Variants in COA1 observed in about 807,000 individuals in gnomAD.
COA1 encodes the protein cytochrome c oxidase assembly factor 1 homolog.
A neutral mutation model predicts 16.0 loss-of-function variants in COA1; 13 were observed. That is an observed-to-expected ratio of 0.81 (90% CI 0.53 to 1.29). The LOEUF is 1.29. Among genes scored for constraint, COA1 ranks in the 50% most tolerant of loss-of-function variants. COA1 has a pLI of 0.00. For missense variants in COA1, 179 were observed against 177.0 expected (o/e 1.01, Z -0.06); for synonymous variants, 65 against 65.7 (o/e 0.99, Z 0.05).
At chr7:43,702,702 G>A (rs968689172) in intron 1 of COA1, among the ~76,000 whole-genome samples, 1 of 152,008 alleles carries the variant, frequency 6.6e-6, no homozygotes, top group African/African-American at 2.4e-5. Context: ...TGGGGTTGGT[G>A]GTAACGTCAC....
intron 1 of COA1, among the ~76,000 whole-genome samples, chr7:43,678,178 C>A (rs2093619988): frequency 6.6e-6 from 1 of 152,122 alleles, no homozygotes; most frequent in Admixed American, 6.5e-5. Flanking sequence ...TTTAAAACAT[C>A]TTTTCAAAAG....
At chr7:43,625,221 C>T (rs1426032684) in intron 6 of COA1, 1 of 161,250 alleles carries the variant, frequency 6.2e-6, no homozygotes, top group Non-Finnish European at 1.3e-5. Context: ...ATATGTGTAT[C>T]TATATCTGCA....
At chr7:43,643,167 C>G (rs758845967) in intron 4 of COA1, among the ~76,000 whole-genome samples, 11 of 152,330 alleles carry the variant, frequency 7.2e-5, no homozygotes, top group Non-Finnish European at 1.3e-4. Flanking sequence ...GCCCTCTCAG[C>G]ACCACTGGGG....
intron 1 of COA1, among the ~76,000 whole-genome samples, chr7:43,692,080 C>CCAGA (rs904749185): frequency 4.6e-5 from 7 of 152,112 alleles, no homozygotes; most frequent in Admixed American, 3.9e-4. Context: ...ACACAAAGAC[C>CCAGA]CAGAGAGAGA....
downstream of COA1, among the ~76,000 whole-genome samples, chr7:43,637,526 G>A (rs541059970): frequency 8.3e-4 from 127 of 152,284 alleles, 1 homozygote; most frequent in Non-Finnish European, 5.7e-4. Flanking sequence ...CATCATTAAG[G>A]TAGTTAGTGG....
chr7:43,676,982 T>C (rs1381066659), intron 1 of COA1, among the ~76,000 whole-genome samples: 1 of 152,236 alleles, frequency 6.6e-6, no homozygotes, highest in African/African-American at 2.4e-5. Flanking sequence ...AATTTATTTA[T>C]GATACTATGG....
chr7:43,639,539 G>A lies in COA1; in HGVS notation c.*43C>T. The A allele has an allele frequency of 1.3e-6, 2 of 1,516,076 alleles. No individual in the cohort carries two copies. Among genetic ancestry groups the A allele is most frequent in the Non-Finnish European group, 1.8e-6 (2 of 1,091,480 alleles). 93.9% of individuals were successfully genotyped at this position (1,516,076 alleles called of 1,614,324 possible). On this transcript the variant is annotated 3_prime_UTR_variant, in exon 6 of 6. Transcript: ENST00000223336. ...CCCAGTGGCCATATGGTAGAGATGA[G>A]GGAAGGATGGACTAGAAGCAAGCTG...
chr7:43,618,125 C>G (rs949607608), intron 6 of COA1, among the ~76,000 whole-genome samples: 1 of 152,004 alleles, frequency 6.6e-6, no homozygotes, highest in African/African-American at 2.4e-5. Context: ...TCTAGAGGAC[C>G]AATGTGATGG....
intron 1 of COA1, among the ~76,000 whole-genome samples, chr7:43,684,601 G>A (rs1339283041): frequency 6.6e-6 from 1 of 152,148 alleles, no homozygotes; most frequent in East Asian, 1.9e-4. Context: ...CAAGAGGAAA[G>A]GATAGAGACC....
At chr7:43,681,650 T>C (rs1220680215) in intron 1 of COA1, among the ~76,000 whole-genome samples, 1 of 152,196 alleles carries the variant, frequency 6.6e-6, no homozygotes, top group African/African-American at 2.4e-5. Context: ...TTGCTCACAC[T>C]TAATTTGGTT....
intron 6 of COA1, among the ~76,000 whole-genome samples, chr7:43,627,971 C>CTT (rs914546295): frequency 1.7e-4 from 26 of 151,794 alleles, no homozygotes; most frequent in African/African-American, 4.1e-4. Context: ...CAGTTTGTTG[C>CTT]TTTTTCTTGT....
At chr7:43,695,866 G>A (rs1035952043) in intron 1 of COA1, among the ~76,000 whole-genome samples, 1 of 152,108 alleles carries the variant, frequency 6.6e-6, no homozygotes, top group Admixed American at 6.5e-5. Flanking sequence ...ATATATCCTA[G>A]ACCCCAGGGC....
At chr7:43,719,300 C>T (rs1277692956) in intron 1 of COA1, among the ~76,000 whole-genome samples, 3 of 152,188 alleles carry the variant, frequency 2.0e-5, no homozygotes, top group Non-Finnish European at 4.4e-5. Context: ...AAACTATCTC[C>T]AGCAGGAATG....
At chr7:43,693,532 T>A (rs528767589) in intron 1 of COA1, among the ~76,000 whole-genome samples, 1 of 152,048 alleles carries the variant, frequency 6.6e-6, no homozygotes, top group South Asian at 2.1e-4. Flanking sequence ...ATTTCTAGCA[T>A]CCCACTCTCC....
intron 6 of COA1, among the ~76,000 whole-genome samples, chr7:43,614,951 A>C (rs542187794): frequency 6.6e-6 from 1 of 152,368 alleles, no homozygotes; most frequent in South Asian, 2.1e-4. Context: ...TTAAGGGAAC[A>C]AATGGTATTT....
chr7:43,614,277 C>A (rs1420104280), intron 6 of COA1, among the ~76,000 whole-genome samples: 1 of 152,160 alleles, frequency 6.6e-6, no homozygotes, highest in Admixed American at 6.5e-5. Context: ...GGACCGTCTG[C>A]AGGTTTTCTG....
At chr7:43,668,527 T>C (rs2093034016) in intron 1 of COA1, among the ~76,000 whole-genome samples, 1 of 152,230 alleles carries the variant, frequency 6.6e-6, no homozygotes, top group African/African-American at 2.4e-5. Context: ...GAAATTGTGC[T>C]CCAAAGCTTA....
intron 1 of COA1, among the ~76,000 whole-genome samples, chr7:43,676,396 G>A (rs10259560): frequency 0.12 from 18,042 of 152,000 alleles, 1,144 homozygotes; most frequent in Admixed American, 0.19. Flanking sequence ...GTATATATAC[G>A]CAATAGAATA....
intron 1 of COA1, among the ~76,000 whole-genome samples, chr7:43,711,075 T>C (rs1480869886): frequency 4.5e-4 from 69 of 152,082 alleles, no homozygotes; most frequent in Non-Finnish European, 2.2e-4. Flanking sequence ...GCACATGTAA[T>C]ATCCCATCCC....
Sources: gnomAD v4.1 joint callset for allele counts (sites outside exome capture counted in the v4.1 genomes callset) on GRCh38, gnomAD v4.1.1 for gene constraint, MANE v1.5 for transcripts, NCBI Gene and HGNC (gene_info 2026-07-23, HGNC 2026-07-21) for gene names.